Variants in SMAD6 observed in about 807,000 individuals in gnomAD.
SMAD6 encodes MAD homolog 6.
Under a neutral mutation model 39.4 loss-of-function variants are expected in SMAD6, and 103 were observed. The observed-to-expected ratio is 2.62, with a 90% confidence interval of 2.23 to 3.08. The LOEUF is 3.08. Ranked by LOEUF, SMAD6 falls within the 30% of genes most tolerant of loss-of-function variation. SMAD6 has a pLI of 0.00. For missense variants in SMAD6, 1,104 were observed against 742.9 expected, an observed-to-expected ratio of 1.49 and a Z score of -5.65; for synonymous variants, 445 against 353.3, an observed-to-expected ratio of 1.26 and a Z score of -2.91.
At chr15:66,748,473 C>T (rs1300189643) in intron 3 of SMAD6, among the ~76,000 whole-genome samples, 3 of 152,116 alleles carry the variant, frequency 2.0e-5, no homozygotes, top group African/African-American at 7.2e-5. Context: ...GCACCATTCA[C>T]GCAGCTAAGG....
At chr15:66,765,034 A>G (rs988433025) in intron 3 of SMAD6, among the ~76,000 whole-genome samples, 1 of 152,146 alleles carries the variant, frequency 6.6e-6, no homozygotes, top group African/African-American at 2.4e-5. Context: ...AACTTGACCC[A>G]GCAAAGAGGG....
At chr15:66,728,383 G>A (rs1000988346) in intron 3 of SMAD6, among the ~76,000 whole-genome samples, 4 of 151,366 alleles carry the variant, frequency 2.6e-5, no homozygotes, top group South Asian at 2.1e-4. Context: ...CAGAATATTC[G>A]TGGGATTCAT....
intron 3 of SMAD6, among the ~76,000 whole-genome samples, chr15:66,764,226 G>A (rs1484160028): frequency 6.6e-6 from 1 of 152,092 alleles, no homozygotes; most frequent in African/African-American, 2.4e-5. Context: ...TATGCCAGTT[G>A]TTTATATAGT....
At chr15:66,741,369 G>A (rs1258590163) in intron 3 of SMAD6, among the ~76,000 whole-genome samples, 5 of 152,180 alleles carry the variant, frequency 3.3e-5, no homozygotes, top group Non-Finnish European at 5.9e-5. Context: ...GGATTGCCGA[G>A]GGGCTTCGCC....
chr15:66,748,126 G>T (rs1482313040), intron 3 of SMAD6, among the ~76,000 whole-genome samples: 1 of 151,994 alleles, frequency 6.6e-6, no homozygotes, highest in African/African-American at 2.4e-5. Context: ...GATTACTTAT[G>T]GCTATTAGTG....
chr15:66,768,061 C>T (rs73473511), intron 3 of SMAD6, among the ~76,000 whole-genome samples: 1,555 of 147,430 alleles, frequency 0.011, 26 homozygotes, highest in African/African-American at 0.037. Context: ...CCTCGGCTTC[C>T]GAGGCTCAAG....
intron 3 of SMAD6, among the ~76,000 whole-genome samples, chr15:66,780,514 G>A (rs894266282): frequency 6.6e-6 from 1 of 152,170 alleles, no homozygotes; most frequent in African/African-American, 2.4e-5. Flanking sequence ...TCTGTAGAAC[G>A]AGGAGAAGGT....
chr15:66,765,890 G>C (rs890668359), intron 3 of SMAD6, among the ~76,000 whole-genome samples: 2 of 152,136 alleles, frequency 1.3e-5, no homozygotes, highest in Non-Finnish European at 2.9e-5. Context: ...CAAAAGTCCC[G>C]GCCTGCAAGT....
rs774732566 is a variant in SMAD6 at position 66,704,007 on chromosome 15, T to TCGC, written c.761_763dup (p.Ala254dup). On this transcript the variant is annotated inframe_insertion, in exon 1 of 4. Coordinates refer to ENST00000288840, the MANE Select transcript of SMAD6 (RefSeq NM_005585.5). ...AAGCCCCTGTGCGGCTGCCACAGCT[T>TCGC]CGCCGCCGCCGCCGACGGCCCTACC... 66 of 1,495,302 alleles carry TCGC rather than the reference T, an allele frequency of 4.4e-5. No individual in the cohort carries two copies. The highest frequency in any genetic ancestry group is 4.5e-5 in the Non-Finnish European group (51 of 1,131,028). 92.6% of individuals were successfully genotyped at this position (1,495,302 alleles called of 1,614,324 possible). A position where few individuals can be genotyped will look rare whatever the true frequency, so the allele number is the denominator to read the frequency against.
At chr15:66,728,651 C>T (rs1177885227) in intron 3 of SMAD6, among the ~76,000 whole-genome samples, 3 of 152,114 alleles carry the variant, frequency 2.0e-5, no homozygotes, top group East Asian at 1.9e-4. Context: ...GTGATCTGCC[C>T]GCCTCGGCCT....
At position 66,703,113 on chromosome 15, in the gene SMAD6, C is replaced by A; in HGVS notation, c.-146C>A. The A allele has an allele frequency of 1.9e-6, 1 of 526,576 alleles. No homozygotes were observed. The allele number at this position is 526,576 out of a possible 1,614,324, so 32.6% of individuals were successfully genotyped here. A position where few individuals can be genotyped will look rare whatever the true frequency, so the allele number is the denominator to read the frequency against. Reference sequence around the variant, plus strand: ...TTGTCGCCCTGCGGCGCCCCTTCGACGACAGGCTGTGCGCGGTCTGCACGG... The same window carrying A: ...TTGTCGCCCTGCGGCGCCCCTTCGAAGACAGGCTGTGCGCGGTCTGCACGG... On this transcript the variant is annotated 5_prime_UTR_variant, in exon 1 of 4. Transcript: ENST00000288840.
At chr15:66,776,458 C>T (rs1415620851) in intron 3 of SMAD6, among the ~76,000 whole-genome samples, 5 of 152,196 alleles carry the variant, frequency 3.3e-5, no homozygotes, top group Admixed American at 3.3e-4. Context: ...GGCTTGGAGA[C>T]GTTTAGCAGT....
At chr15:66,730,208 C>G (rs1458058415) in intron 3 of SMAD6, among the ~76,000 whole-genome samples, 1 of 152,194 alleles carries the variant, frequency 6.6e-6, no homozygotes, top group Non-Finnish European at 1.5e-5. Flanking sequence ...TGTCTTTTGA[C>G]AGGGATGGAT....
At chr15:66,716,329 C>A in intron 2 of SMAD6, 92 bp from the exon 3 acceptor site, 1 of 896,338 alleles carries the variant, frequency 1.1e-6, no homozygotes, top group Non-Finnish European at 1.9e-6. Context: ...CACATCCACA[C>A]ACGTGCACAT....
rs144862206 is a variant in SMAD6 at position 66,776,297 on chromosome 15, G to T, written c.953-4700G>T. 1.3e-3 allele frequency among the ~76,000 whole-genome samples: 195 copies of T among 152,282 alleles called. 2 individuals are homozygous for T. Among genetic ancestry groups the T allele is most frequent in the African/African-American group, 4.4e-3 (184 of 41,560 alleles). ...CACTAAAGATCCCTGGCCTCTGAAG[G>T]GTAAGGCCAACACTGGAGCCCGTAA... On this transcript the variant is annotated intron_variant, in intron 3 of 3. Coordinates refer to ENST00000288840, the MANE Select transcript of SMAD6 (RefSeq NM_005585.5).
intron 1 of SMAD6, among the ~76,000 whole-genome samples, chr15:66,711,436 T>G (rs1595762859): frequency 6.6e-6 from 1 of 152,224 alleles, no homozygotes; most frequent in South Asian, 2.1e-4. Context: ...AGTAAGTTGC[T>G]TGAGGTCACA....
intron 3 of SMAD6, among the ~76,000 whole-genome samples, chr15:66,763,187 C>T (rs1227792912): frequency 1.3e-5 from 2 of 152,160 alleles, no homozygotes; most frequent in African/African-American, 4.8e-5. Flanking sequence ...GAGCAATCTT[C>T]CAGTCTGGTG....
intron 2 of SMAD6, among the ~76,000 whole-genome samples, chr15:66,716,158 T>C (rs961808052): frequency 2.6e-5 from 4 of 152,196 alleles, no homozygotes; most frequent in Admixed American, 6.5e-5. Flanking sequence ...GTTATTTCTG[T>C]GGTCAGGGCA....
intron 3 of SMAD6, among the ~76,000 whole-genome samples, chr15:66,749,087 G>T (rs959921038): frequency 1.3e-5 from 2 of 152,190 alleles, no homozygotes; most frequent in African/African-American, 4.8e-5. Context: ...ACTTTGGGGA[G>T]ACTGAGATGG....
Sources: gnomAD v4.1 joint callset for allele counts (sites outside exome capture counted in the v4.1 genomes callset) on GRCh38, gnomAD v4.1.1 for gene constraint, MANE v1.5 for transcripts, NCBI Gene and HGNC (gene_info 2026-07-23, HGNC 2026-07-21) for gene names.